The following TNK1 variants were observed in gnomAD, a reference collection of about 807,000 sequenced individuals.
TNK1 encodes the protein tyrosine kinase non receptor 1.
A neutral mutation model predicts 65.2 loss-of-function variants in TNK1; 53 were observed. The ratio of observed to expected loss-of-function variants is 0.81; its 90% confidence interval spans 0.65 to 1.02. TNK1 has a LOEUF of 1.02. TNK1 is among the 50% of genes least tolerant of loss of function. TNK1 has a pLI of 0.00. For missense variants in TNK1, 837 were observed against 878.4 expected (o/e 0.95, Z 0.60); for synonymous variants, 353 against 364.6 (o/e 0.97, Z 0.36).
Position 7,388,796 on chromosome 17 carries a change from G to C in TNK1, c.1785G>C (p.Leu595=), listed in dbSNP as rs1360681993. ...ELQRKIMEVE[L]SVHGVTHQEC... ...GGCTTTGTCTGTCACAGGTGGAGCTGAGTGTGCATGGGGTCACCCACCAGG... is the reference window on the plus strand; with the variant it reads ...GGCTTTGTCTGTCACAGGTGGAGCTCAGTGTGCATGGGGTCACCCACCAGG... Residue 595 remains leucine (L), a synonymous_variant, in exon 12 of 13, where the codon CTG becomes CTC. Transcript: ENST00000688331. This position sits in a 1 kb window ranked among gnomAD's most constrained non-coding sequence, Gnocchi z 4.5. 14 of 1,606,888 alleles carry C rather than the reference G, an allele frequency of 8.7e-6. No homozygotes were observed.
At position 7,382,718 on chromosome 17, in the gene TNK1, C is replaced by A. The variant is rs1424723811; in HGVS notation, c.-91-118C>A. Reference sequence around the variant, plus strand: ...ACTCAGCGGTGAAGGGACAGAGTACCCGGATGCCTGGGCACGGGGAACATT... The same window carrying A: ...ACTCAGCGGTGAAGGGACAGAGTACACGGATGCCTGGGCACGGGGAACATT... On this transcript the variant is annotated intron_variant, in intron 1 of 12. Coordinates refer to ENST00000688331, the MANE Select transcript of TNK1 (RefSeq NM_003985.6). This position sits in a 1 kb window ranked among gnomAD's most constrained non-coding sequence, Gnocchi z 4.1. 1.1e-5 allele frequency: 5 copies of A among 442,412 alleles called. No individual in the cohort carries two copies. In the African/African-American group the frequency reaches 2.7e-4, roughly 24 times the overall value. 27.4% of individuals were successfully genotyped at this position (442,412 alleles called of 1,614,324 possible).
rs781406498 is a variant in TNK1 at position 7,388,474 on chromosome 17, C to G, written c.1546C>G (p.Pro516Ala). ...PRPTGGGSSP[P>A]EIRQARAVPQ... ...TCCCACAGGGGGTGGTTCAAGCCCCCCTGAAATTCGACAAGCCAGAGCTGT... is the reference window on the plus strand; with the variant it reads ...TCCCACAGGGGGTGGTTCAAGCCCCGCTGAAATTCGACAAGCCAGAGCTGT... The change falls in exon 11 of 13, where the codon CCT (proline) becomes GCT (alanine). Residue 516 changes from proline to alanine, a missense_variant. By Grantham distance (27) the Pro-to-Ala change is conservative. Transcript: ENST00000688331. The surrounding 1 kb of genome is among the most constrained non-coding windows in gnomAD (Gnocchi z 4.5). 2.5e-6 allele frequency: 4 copies of G among 1,613,942 alleles called. No homozygotes were observed. In the South Asian group the frequency reaches 3.3e-5, roughly 13 times the overall value.
At chr17:7,387,547 A>G in intron 10 of TNK1, 90 bp downstream of exon 10, 2 of 1,069,954 alleles carry the variant, frequency 1.9e-6, no homozygotes, top group South Asian at 1.5e-5. Context: ...CTTTGCATCT[A>G]TTATTTCCTT....
In TNK1 at chr17:7,382,969, CGGG is replaced by C; in HGVS notation, c.44_46del (p.Arg15_Asp16delinsHis). Reference sequence around the variant, plus strand: ...CTCCCTGTGGCTACTGAAGCTGCTCCGGGACATCCAGTTGGCCCAGTTTTACTG... The same window carrying C: ...CTCCCTGTGGCTACTGAAGCTGCTCCACATCCAGTTGGCCCAGTTTTACTG... On this transcript the variant is annotated inframe_deletion, in exon 2 of 13. Coordinates refer to ENST00000688331, the MANE Select transcript of TNK1 (RefSeq NM_003985.6). The surrounding 1 kb of genome is among the most constrained non-coding windows in gnomAD (Gnocchi z 4.1). 6.2e-7 allele frequency: 1 copy of C among 1,614,008 alleles called. No homozygotes were observed.
chr17:7,388,276 T>G lies in TNK1; in HGVS notation c.1478-130T>G. On this transcript the variant is annotated intron_variant, in intron 10 of 12. Transcript: ENST00000688331. This position sits in a 1 kb window ranked among gnomAD's most constrained non-coding sequence, Gnocchi z 4.5. ...CCCCTTCTCTACAAAAATACAAAAA[T>G]TAGCCAGTCGTAATGGCAGGCACCT... The G allele has an allele frequency of 1.1e-6, 1 of 942,262 alleles. No homozygotes were observed. 58.4% of individuals were successfully genotyped at this position (942,262 alleles called of 1,614,324 possible). A position where few individuals can be genotyped will look rare whatever the true frequency, so the allele number is the denominator to read the frequency against.
At position 7,389,147 on chromosome 17, in the gene TNK1, A is replaced by G. The variant is rs1272418518; in HGVS notation, c.*63A>G. On this transcript the variant is annotated 3_prime_UTR_variant, in exon 13 of 13. Coordinates refer to ENST00000688331, the MANE Select transcript of TNK1 (RefSeq NM_003985.6). The stretch of plus-strand genomic sequence containing the variant: ...CCTAGGCCCCTGAGGGCCTGGCCAC[A>G]TGGGACCAAGCGGAACCAGAACAAG... 3 of 1,343,464 alleles carry G rather than the reference A, an allele frequency of 2.2e-6. No homozygotes were observed. The highest frequency in any genetic ancestry group is 2.0e-5 in the Admixed American group (1 of 49,874). The allele number at this position is 1,343,464 out of a possible 1,614,324, so 83.2% of individuals were successfully genotyped here.
At chr17:7,381,717 G>A (rs968012212) in intron 1 of TNK1, among the ~76,000 whole-genome samples, 1 of 152,228 alleles carries the variant, frequency 6.6e-6, no homozygotes, top group Non-Finnish European at 1.5e-5. Flanking sequence ...AATGACTGTG[G>A]ACCTCTTTTG....
Position 7,384,267 on chromosome 17 carries a change from C to A in TNK1, c.866+14C>A. On this transcript the variant is annotated intron_variant, in intron 6 of 12. Transcript: ENST00000688331. ...CCCCTACGCCTGGTGAGAGCGGGTCCGCGGGCGGTCGGGCTCTGAGCCGGG... is the reference window on the plus strand; with the variant it reads ...CCCCTACGCCTGGTGAGAGCGGGTCAGCGGGCGGTCGGGCTCTGAGCCGGG... 6.9e-7 allele frequency: 1 copy of A among 1,445,188 alleles called. No individual in the cohort carries two copies. Among genetic ancestry groups the A allele is most frequent in the Non-Finnish European group, 9.0e-7 (1 of 1,106,486 alleles). The allele number at this position is 1,445,188 out of a possible 1,614,324, so 89.5% of individuals were successfully genotyped here. A position where few individuals can be genotyped will look rare whatever the true frequency, so the allele number is the denominator to read the frequency against.
rs778272224 is a variant in TNK1, at chr17:7,387,184, T to C, written c.1397+30T>C. 5.2e-6 allele frequency: 8 copies of C among 1,543,626 alleles called. No homozygotes were observed. In the African/African-American group the frequency reaches 8.3e-5, roughly 16 times the overall value. On this transcript the variant is annotated intron_variant, in intron 9 of 12. Transcript: ENST00000688331. ...GGACCTGAAAGGGTGAGGGCAGGGG[T>C]TGGCTGGGAGAACTGATGAGGTCCA... is the stretch of plus-strand genomic sequence containing the variant.
At position 7,382,995 on chromosome 17, in the gene TNK1, C is replaced by G. The variant is rs898866321; in HGVS notation, c.69C>G (p.Tyr23Ter). 3 of 1,613,942 alleles carry G rather than the reference C, an allele frequency of 1.9e-6. No homozygotes were observed. In the Admixed American group the frequency reaches 5.0e-5, roughly 27 times the overall value. The change falls in exon 2 of 13, where the codon TAC becomes TAG. Residue 23 changes from tyrosine to a stop codon, truncating the protein, a stop_gained. Coordinates refer to ENST00000688331, the MANE Select transcript of TNK1 (RefSeq NM_003985.6). LOFTEE classifies it high-confidence loss of function. This position sits in a 1 kb window ranked among gnomAD's most constrained non-coding sequence, Gnocchi z 4.1. ...LLRDIQLAQF[Y>*]WPILEELNVT... ...GGGACATCCAGTTGGCCCAGTTTTA[C>G]TGGCCCATCCTTGAGGAGCTTAATG...
Position 7,382,623 on chromosome 17 carries a change from G to C in TNK1, c.-91-213G>C, listed in dbSNP as rs930803353. 1.3e-5 allele frequency among the ~76,000 whole-genome samples: 2 copies of C among 152,132 alleles called. No individual in the cohort carries two copies. Among genetic ancestry groups the C allele is most frequent in the Non-Finnish European group, 2.9e-5 (2 of 68,028 alleles). ...TGCCGTGATATTTCAGAGTCAGGAT[G>C]GTAACATACCTGGAGTCTGTAGTAG... On this transcript the variant is annotated intron_variant, in intron 1 of 12. Transcript: ENST00000688331. The surrounding 1 kb of genome is among the most constrained non-coding windows in gnomAD (Gnocchi z 4.1).
chr17:7,381,755 C>G lies in TNK1; in HGVS notation c.-92+641C>G, dbSNP rs556205566. Among the ~76,000 whole-genome samples, 46 of 152,336 alleles carry G rather than the reference C, an allele frequency of 3.0e-4. 1 individual carries two copies. The highest frequency in any genetic ancestry group is 7.7e-4 in the East Asian group (4 of 5,184). ...TTGAGGGGTCCCTATGCCCCCATAG[C>G]TCAGGTATGCTGTGTGCACACTGTA... On this transcript the variant is annotated intron_variant, in intron 1 of 12. Transcript: ENST00000688331.
At chr17:7,385,203 A>G (rs1441966607) in intron 7 of TNK1, among the ~76,000 whole-genome samples, 1 of 151,928 alleles carries the variant, frequency 6.6e-6, no homozygotes, top group Non-Finnish European at 1.5e-5. Flanking sequence ...CGTCTCTACT[A>G]AAAAATACAA....
upstream of TNK1, chr17:7,380,418 G>A (rs1370199147): frequency 1.3e-5 from 2 of 152,356 alleles, no homozygotes; most frequent in Non-Finnish European, 2.9e-5. Flanking sequence ...GCAGTGTGCA[G>A]GGCCCTGAGT....
rs1905418731 is a variant in TNK1, at chr17:7,389,136, G to T, written c.*52G>T. 6.9e-7 allele frequency: 1 copy of T among 1,450,406 alleles called. No individual in the cohort carries two copies. Among genetic ancestry groups the T allele is most frequent in the African/African-American group, 1.4e-5 (1 of 70,996 alleles). 89.8% of individuals were successfully genotyped at this position (1,450,406 alleles called of 1,614,324 possible). A position where few individuals can be genotyped will look rare whatever the true frequency, so the allele number is the denominator to read the frequency against. ...AGCATGAAAAGCCTAGGCCCCTGAG[G>T]GCCTGGCCACATGGGACCAAGCGGA... On this transcript the variant is annotated 3_prime_UTR_variant, in exon 13 of 13. Coordinates refer to ENST00000688331, the MANE Select transcript of TNK1 (RefSeq NM_003985.6).
At chr17:7,381,407 T>C (rs1904805601) in intron 1 of TNK1, among the ~76,000 whole-genome samples, 1 of 152,172 alleles carries the variant, frequency 6.6e-6, no homozygotes, top group Non-Finnish European at 1.5e-5. Context: ...TTCTTCCTCC[T>C]TGCTTATAAT....
Position 7,389,195 on chromosome 17 carries a change from C to A in TNK1, c.*111C>A. ...AAGGTCCCGACAGGGGTAGACGTTCCACCTGGGGAGATCCCACCTGCCGTA... is the reference window on the plus strand; with the variant it reads ...AAGGTCCCGACAGGGGTAGACGTTCAACCTGGGGAGATCCCACCTGCCGTA... On this transcript the variant is annotated 3_prime_UTR_variant, in exon 13 of 13. Coordinates refer to ENST00000688331, the MANE Select transcript of TNK1 (RefSeq NM_003985.6). The A allele has an allele frequency of 1.2e-6, 1 of 857,966 alleles. No homozygotes were observed. Among genetic ancestry groups the A allele is most frequent in the Non-Finnish European group, 1.8e-6 (1 of 558,850 alleles). The allele number at this position is 857,966 out of a possible 1,614,324, so 53.1% of individuals were successfully genotyped here. A position where few individuals can be genotyped will look rare whatever the true frequency, so the allele number is the denominator to read the frequency against.
rs1388525111 is a variant in TNK1, at chr17:7,388,488, A to G, written c.1560A>G (p.Gln520=). The change falls in exon 11 of 13, where the codon CAA becomes CAG. Residue 520 remains glutamine, a synonymous_variant. Coordinates refer to ENST00000688331, the MANE Select transcript of TNK1 (RefSeq NM_003985.6). The surrounding 1 kb of genome is among the most constrained non-coding windows in gnomAD (Gnocchi z 4.5). Reference sequence around the variant, plus strand: ...GTTCAAGCCCCCCTGAAATTCGACAAGCCAGAGCTGTGCCCCAGGGACCTC... The same window carrying G: ...GTTCAAGCCCCCCTGAAATTCGACAGGCCAGAGCTGTGCCCCAGGGACCTC... ...GGGSSPPEIR[Q]ARAVPQGPPG... 2.5e-6 allele frequency: 4 copies of G among 1,613,936 alleles called. No homozygotes were observed. In the South Asian group the frequency reaches 4.4e-5, roughly 18 times the overall value.
At chr17:7,387,322 G>T in intron 9 of TNK1, 56 bp from the exon 10 acceptor site, 1 of 1,559,108 alleles carries the variant, frequency 6.4e-7, no homozygotes, top group South Asian at 1.2e-5. Flanking sequence ...AGGGTATATT[G>T]ATCTGTGGGG....
Sources: gnomAD v4.1 joint callset for allele counts (sites outside exome capture counted in the v4.1 genomes callset) on GRCh38, gnomAD v4.1.1 for gene constraint, Gnocchi (gnomAD v3.1) non-coding constraint, MANE v1.5 for transcripts, NCBI Gene and HGNC (gene_info 2026-07-23, HGNC 2026-07-21) for gene names.